Variants in FTO observed in about 807,000 individuals in gnomAD.
FTO encodes alpha-ketoglutarate-dependent dioxygenase FTO.
In FTO, 47 loss-of-function variants were observed where a neutral mutation model predicts 63.9. The ratio of observed to expected loss-of-function variants is 0.74; its 90% CI spans 0.58 to 0.94. The LOEUF (loss-of-function observed/expected upper bound fraction) is 0.94. Among genes scored for constraint, FTO ranks in the 40% least tolerant of loss-of-function variants. The pLI is 0.00. For missense variants in FTO, 562 were observed against 618.1 expected (o/e 0.91, Z 0.96); for synonymous variants, 207 against 224.4 (o/e 0.92, Z 0.69).
chr16:53,968,143 G>A (rs2083236731), intron 8 of FTO, among the ~76,000 whole-genome samples: 1 of 152,096 alleles, frequency 6.6e-6, no homozygotes, highest in Non-Finnish European at 1.5e-5. Context: ...CATTGTATGT[G>A]CACTTAGGAA....
chr16:54,053,844 C>T (rs548833608), intron 8 of FTO, among the ~76,000 whole-genome samples: 1 of 152,058 alleles, frequency 6.6e-6, no homozygotes. Flanking sequence ...TTACAAATGC[C>T]AAATAAACAA....
At chr16:53,739,244 C>T (rs1468029100) in intron 1 of FTO, among the ~76,000 whole-genome samples, 2 of 152,134 alleles carry the variant, frequency 1.3e-5, no homozygotes, top group East Asian at 1.9e-4. Flanking sequence ...CTCGCTCTGT[C>T]GCCCAGGCTG....
At chr16:53,849,031 T>C (rs1021851106) in intron 4 of FTO, among the ~76,000 whole-genome samples, 6 of 152,194 alleles carry the variant, frequency 3.9e-5, no homozygotes, top group African/African-American at 1.4e-4. Flanking sequence ...AAAATTCCAC[T>C]GCAAAAAAAG....
At chr16:53,977,588 G>T (rs555482591) in intron 8 of FTO, among the ~76,000 whole-genome samples, 2 of 152,202 alleles carry the variant, frequency 1.3e-5, no homozygotes, top group Admixed American at 6.5e-5. Flanking sequence ...AATCTTTGAA[G>T]TTTATTTCTG....
intron 8 of FTO, among the ~76,000 whole-genome samples, chr16:53,942,403 C>A (rs2082551415): frequency 6.6e-6 from 1 of 152,180 alleles, no homozygotes; most frequent in African/African-American, 2.4e-5. Context: ...ATGGTCTCCT[C>A]CCTGAGCCAC....
chr16:53,785,612 G>T (rs1431802449), intron 1 of FTO, among the ~76,000 whole-genome samples: 1 of 152,022 alleles, frequency 6.6e-6, no homozygotes, highest in Non-Finnish European at 1.5e-5. Flanking sequence ...GGACAGACTT[G>T]CTATGATTAA....
At chr16:54,058,139 C>T (rs1029881263) in intron 8 of FTO, among the ~76,000 whole-genome samples, 26 of 152,118 alleles carry the variant, frequency 1.7e-4, no homozygotes, top group Admixed American at 7.9e-4. Flanking sequence ...GACAGAGTCT[C>T]GCTCTGTCGT....
At chr16:53,936,406 T>C (rs949023325) in intron 8 of FTO, among the ~76,000 whole-genome samples, 7 of 152,246 alleles carry the variant, frequency 4.6e-5, no homozygotes, top group African/African-American at 1.7e-4. Flanking sequence ...GTTTCCCATC[T>C]TAGTGACCTA....
chr16:53,801,723 A>ATT (rs60351438), intron 1 of FTO, among the ~76,000 whole-genome samples: 45 of 137,966 alleles, frequency 3.3e-4, no homozygotes, highest in African/African-American at 9.4e-4. Context: ...TCCGGCAACC[A>ATT]TTTTTTTTTT....
In FTO at chr16:53,815,636, G is replaced by GTTTTTTTTTTTTTTTTTT. The variant is rs556357629; in HGVS notation, c.123+5432_123+5449dup. Among the ~76,000 whole-genome samples, 9 of 98,158 alleles carry GTTTTTTTTTTTTTTTTTT rather than the reference G, an allele frequency of 9.2e-5. 3 individuals carry two copies. Among genetic ancestry groups the GTTTTTTTTTTTTTTTTTT allele is most frequent in the African/African-American group, 4.9e-4 (9 of 18,544 alleles). 64.4% of individuals were successfully genotyped at this position (98,158 alleles called of 152,430 possible). On this transcript the variant is annotated intron_variant, in intron 2 of 8. Transcript: ENST00000471389. ...ACCCTATAAGGCCATTGACTTTCTTGTTTTTTTTTTTTTTTTTTTTTTTTT... is the reference window on the plus strand; with the variant it reads ...ACCCTATAAGGCCATTGACTTTCTTGTTTTTTTTTTTTTTTTTTTTTTTTTTTTTTTTTTTTTTTTTTT...
intron 8 of FTO, among the ~76,000 whole-genome samples, chr16:54,099,444 C>G (rs1265600454): frequency 1.3e-5 from 2 of 152,104 alleles, no homozygotes; most frequent in South Asian, 4.1e-4. Flanking sequence ...CCCAACCCGG[C>G]CTCTCTTAAA....
At chr16:53,873,661 T>A in intron 4 of FTO, 125 bp from the exon 5 acceptor site, 2 of 728,424 alleles carry the variant, frequency 2.7e-6, no homozygotes, top group Non-Finnish European at 4.8e-6. Flanking sequence ...TAAGTATTGA[T>A]TCCTTGGTTA....
At chr16:53,856,164 TG>T (rs2079986019) in intron 4 of FTO, among the ~76,000 whole-genome samples, 1 of 152,034 alleles carries the variant, frequency 6.6e-6, no homozygotes, top group African/African-American at 2.4e-5. Flanking sequence ...GTAAAGACAG[TG>T]GAAGAATGAC....
chr16:53,795,039 T>C (rs1304898007), intron 1 of FTO, among the ~76,000 whole-genome samples: 1 of 151,960 alleles, frequency 6.6e-6, no homozygotes, highest in Admixed American at 6.6e-5. Flanking sequence ...CTCAAGGGGA[T>C]AAATAAAGGC....
At chr16:53,842,627 T>C (rs2079508579) in intron 3 of FTO, among the ~76,000 whole-genome samples, 1 of 152,204 alleles carries the variant, frequency 6.6e-6, no homozygotes, top group Admixed American at 6.5e-5. Flanking sequence ...TCCAGAAAAA[T>C]CAGTCTTGAG....
intron 8 of FTO, among the ~76,000 whole-genome samples, chr16:54,005,189 C>G (rs2084172042): frequency 6.7e-6 from 1 of 148,814 alleles, no homozygotes; most frequent in Admixed American, 6.7e-5. Flanking sequence ...GGAAGGGGAA[C>G]CTTTTTCTAT....
chr16:53,970,064 G>A (rs1193598191), intron 8 of FTO, among the ~76,000 whole-genome samples: 1 of 152,182 alleles, frequency 6.6e-6, no homozygotes, highest in East Asian at 1.9e-4. Flanking sequence ...TGGTTCTTTT[G>A]TTGATAAGAA....
intron 1 of FTO, among the ~76,000 whole-genome samples, chr16:53,807,743 A>G (rs1181578285): frequency 6.6e-6 from 1 of 152,200 alleles, no homozygotes; most frequent in Non-Finnish European, 1.5e-5. Context: ...TGTCTATAAA[A>G]AAGACTAAGA....
intron 8 of FTO, among the ~76,000 whole-genome samples, chr16:54,109,453 C>G (rs1314721629): frequency 6.6e-6 from 1 of 152,224 alleles, no homozygotes; most frequent in Non-Finnish European, 1.5e-5. Context: ...GCCTCAGCCT[C>G]CCAAGTAGCT....
Sources: gnomAD v4.1 joint callset for allele counts (sites outside exome capture counted in the v4.1 genomes callset) on GRCh38, gnomAD v4.1.1 for gene constraint, MANE v1.5 for transcripts, NCBI Gene and HGNC (gene_info 2026-07-23, HGNC 2026-07-21) for gene names.